POU2F3: variants seen among roughly 807,000 people sequenced by gnomAD.
The protein encoded by POU2F3 is POU domain, class 2, transcription factor 3.
POU2F3 carries 23 observed loss-of-function variants against 59.2 expected under a neutral mutation model. The ratio of observed to expected loss-of-function variants is 0.39; its 90% confidence interval spans 0.28 to 0.55. The LOEUF is 0.55. Ranked by LOEUF, POU2F3 falls within the 20% of genes least tolerant of loss-of-function variation. The pLI is 0.66. For missense variants in POU2F3, 473 were observed against 544.5 expected (o/e 0.87, Z 1.31); for synonymous variants, 190 against 214.6 (o/e 0.89, Z 1.00).
At chr11:120,250,507 T>A (rs1939052016) in intron 2 of POU2F3, 1 of 152,220 alleles carries the variant, frequency 6.6e-6, no homozygotes, top group Admixed American at 6.5e-5. Context: ...TTAGCCTACT[T>A]CACAGATGGA....
intron 4 of POU2F3, 107 bp downstream of exon 4, chr11:120,298,497 G>A (rs918417745): frequency 1.4e-5 from 20 of 1,457,482 alleles, no homozygotes; most frequent in Non-Finnish European, 1.9e-5. Flanking sequence ...TGCAGGCAAT[G>A]TGGGAAAGAG....
chr11:120,289,278 T>C (rs1940936023), intron 3 of POU2F3, among the ~76,000 whole-genome samples: 1 of 152,142 alleles, frequency 6.6e-6, no homozygotes, highest in Admixed American at 6.5e-5. Context: ...TGGAAATACA[T>C]TTTATATTCT....
intron 2 of POU2F3, among the ~76,000 whole-genome samples, chr11:120,267,822 A>T (rs1337493630): frequency 7.9e-5 from 5 of 63,182 alleles, no homozygotes; most frequent in African/African-American, 5.6e-4. Context: ...TATGCATATT[A>T]ATATATATGC....
chr11:120,274,094 AGG>A lies in POU2F3; in HGVS notation c.132+4851_132+4852del, dbSNP rs1565368699. 1.6e-4 allele frequency among the ~76,000 whole-genome samples: 14 copies of A among 90,104 alleles called. No individual in the cohort carries two copies. In the East Asian group the frequency reaches 3.8e-3, roughly 24 times the overall value. The allele number at this position is 90,104 out of a possible 152,430, so 59.1% of individuals were successfully genotyped here. A position where few individuals can be genotyped will look rare whatever the true frequency, so the allele number is the denominator to read the frequency against. The stretch of plus-strand genomic sequence containing the variant: ...GAAAGAAAAAGAGAGAAAGAAAGGA[AGG>A]AAGGAAGGAAGAAAGGAAGGAAGGA... On this transcript the variant is annotated intron_variant, in intron 3 of 12. Transcript: ENST00000543440.
At chr11:120,279,230 T>A (rs1349519894) in intron 3 of POU2F3, among the ~76,000 whole-genome samples, 4 of 152,044 alleles carry the variant, frequency 2.6e-5, no homozygotes, top group Non-Finnish European at 2.9e-5. Flanking sequence ...CCGTGTGATA[T>A]GGTGGTTGGG....
intron 2 of POU2F3, among the ~76,000 whole-genome samples, chr11:120,250,976 C>CAA (rs1314731650): frequency 7.6e-6 from 1 of 131,916 alleles, no homozygotes; most frequent in African/African-American, 2.8e-5. Context: ...AACTCCGTCT[C>CAA]AAAAAAAAAA....
chr11:120,286,627 G>A (rs531462700), intron 3 of POU2F3, among the ~76,000 whole-genome samples: 9 of 152,246 alleles, frequency 5.9e-5, no homozygotes, highest in Admixed American at 5.2e-4. Context: ...ATCCTATGGG[G>A]TTTTTTAAAG....
rs202130809 is a variant in POU2F3, at chr11:120,299,733, A to G, written c.361+7A>G. ...ACCCAGCCTGGGCAGCAAGGTAAGAACCCTGGGGGTTTCCACCTAGACCAA... is the reference window on the plus strand; with the variant it reads ...ACCCAGCCTGGGCAGCAAGGTAAGAGCCCTGGGGGTTTCCACCTAGACCAA... On this transcript the variant is annotated splice_region_variant and intron_variant, in intron 5 of 12. Transcript: ENST00000543440. 2.7e-5 allele frequency: 44 copies of G among 1,607,772 alleles called. No individual in the cohort carries two copies. The East Asian group carries it at 9.8e-4, about 36-fold the overall frequency.
intron 3 of POU2F3, among the ~76,000 whole-genome samples, chr11:120,271,263 T>C (rs531815101): frequency 5.3e-5 from 8 of 152,330 alleles, no homozygotes; most frequent in African/African-American, 1.9e-4. Context: ...ATGCAGTTTA[T>C]TAAAAACTAC....
At chr11:120,313,869 C>T (rs1185597620) in intron 10 of POU2F3, among the ~76,000 whole-genome samples, 1 of 152,154 alleles carries the variant, frequency 6.6e-6, no homozygotes, top group Admixed American at 6.5e-5. Context: ...CAAAAATTAG[C>T]TGGGCATGGT....
At chr11:120,245,532 G>T (rs1212887077) in intron 1 of POU2F3, among the ~76,000 whole-genome samples, 4 of 152,176 alleles carry the variant, frequency 2.6e-5, no homozygotes, top group Non-Finnish European at 5.9e-5. Flanking sequence ...TGTCTTTAAG[G>T]CTTCAGTCTT....
intron 8 of POU2F3, among the ~76,000 whole-genome samples, chr11:120,306,359 C>T (rs560465108): frequency 6.0e-4 from 91 of 152,240 alleles, no homozygotes; most frequent in Non-Finnish European, 7.4e-4. Context: ...GGAGATCAAG[C>T]GTGTAAGCCA....
At chr11:120,248,622 T>C (rs1938965292) in intron 2 of POU2F3, among the ~76,000 whole-genome samples, 1 of 152,150 alleles carries the variant, frequency 6.6e-6, no homozygotes, top group African/African-American at 2.4e-5. Flanking sequence ...CCTTTTCAGC[T>C]CCAAGGAGCC....
intron 3 of POU2F3, among the ~76,000 whole-genome samples, chr11:120,271,000 C>G (rs1037111406): frequency 2.0e-5 from 3 of 152,184 alleles, no homozygotes; most frequent in Admixed American, 1.3e-4. Context: ...GGCCTGAAGT[C>G]ACTATTAACA....
At chr11:120,264,558 G>A (rs989019966) in intron 2 of POU2F3, among the ~76,000 whole-genome samples, 5 of 152,172 alleles carry the variant, frequency 3.3e-5, no homozygotes, top group African/African-American at 1.2e-4. Context: ...CCCAACACAA[G>A]ATCAGACTCC....
intron 3 of POU2F3, among the ~76,000 whole-genome samples, chr11:120,272,647 G>A (rs778836169): frequency 2.0e-5 from 3 of 152,200 alleles, no homozygotes; most frequent in African/African-American, 7.2e-5. Flanking sequence ...CATGAGCAAC[G>A]AATGCTCATG....
chr11:120,299,892 G>T (rs7119774), intron 5 of POU2F3, among the ~76,000 whole-genome samples, 166 bp downstream of exon 5: 1 of 152,174 alleles, frequency 6.6e-6, no homozygotes, highest in East Asian at 1.9e-4. Flanking sequence ...AGGGACCCTG[G>T]CAATGCTCCT....
intron 3 of POU2F3, among the ~76,000 whole-genome samples, chr11:120,284,379 C>T (rs1440856105): frequency 6.6e-6 from 1 of 152,106 alleles, no homozygotes; most frequent in African/African-American, 2.4e-5. Flanking sequence ...GGAAGGTGAA[C>T]TTGTTGGCTT....
intron 2 of POU2F3, among the ~76,000 whole-genome samples, chr11:120,254,504 C>A (rs1939251507): frequency 7.2e-6 from 1 of 139,458 alleles, no homozygotes; most frequent in African/African-American, 2.5e-5. Context: ...GAGACCACTT[C>A]CCCCCGGAAG....
Sources: gnomAD v4.1 joint callset for allele counts (sites outside exome capture counted in the v4.1 genomes callset) on GRCh38, gnomAD v4.1.1 for gene constraint, MANE v1.5 for transcripts, NCBI Gene and HGNC (gene_info 2026-07-23, HGNC 2026-07-21) for gene names.